Variants in HNF4A observed in about 807,000 individuals in gnomAD.
HNF4A encodes the protein hepatocyte nuclear factor 4-alpha.
HNF4A carries 15 observed loss-of-function variants against 52.4 expected under a neutral mutation model. That is an observed-to-expected ratio of 0.29 (90% CI 0.19 to 0.44). HNF4A has a LOEUF of 0.44. Among genes scored for constraint, HNF4A ranks in the 20% least tolerant of loss-of-function variants. The pLI is 1.00. For missense variants in HNF4A, 479 were observed against 647.2 expected (o/e 0.74, Z 2.82); for synonymous variants, 280 against 264.4 (o/e 1.06, Z -0.57).
At chr20:44,376,050 G>A (rs955600993) in intron 1 of HNF4A, among the ~76,000 whole-genome samples, 2 of 151,972 alleles carry the variant, frequency 1.3e-5, no homozygotes, top group Non-Finnish European at 2.9e-5. Context: ...TTTGAGATCA[G>A]CCTGACCAAC....
chr20:44,386,676 G>A (rs2063228316), intron 1 of HNF4A, among the ~76,000 whole-genome samples: 1 of 152,144 alleles, frequency 6.6e-6, no homozygotes, highest in African/African-American at 2.4e-5. Context: ...AAGTGCTGCT[G>A]ACATCTAGTG....
chr20:44,403,918 C>T (rs985056813), intron 1 of HNF4A, among the ~76,000 whole-genome samples: 11 of 152,182 alleles, frequency 7.2e-5, no homozygotes, highest in African/African-American at 2.4e-4. Flanking sequence ...GCTGAATGGC[C>T]AGGAGCTGTG....
At chr20:44,368,673 G>A (rs145137207) in intron 1 of HNF4A, among the ~76,000 whole-genome samples, 158 of 152,252 alleles carry the variant, frequency 1.0e-3, no homozygotes, top group Non-Finnish European at 1.7e-3. Context: ...ATGTTAGTAT[G>A]TATTGTTAAT....
In HNF4A at chr20:44,377,243, C is replaced by T. The variant is rs574782735; in HGVS notation, c.49+21390C>T. Among the ~76,000 whole-genome samples the T allele has an allele frequency of 1.6e-4, 24 of 152,104 alleles. 1 individual carries two copies. The highest frequency in any genetic ancestry group is 5.8e-4 in the African/African-American group (24 of 41,518). On this transcript the variant is annotated intron_variant, in intron 1 of 9. Coordinates refer to the HNF4A transcript ENST00000316673. ...ACGTGGGGGCTAAACCTTGGGTACA[C>T]ATGGACATAAAGATGGGAACAATAG...
intron 1 of HNF4A, among the ~76,000 whole-genome samples, chr20:44,387,360 C>A: frequency 7.2e-6 from 1 of 138,316 alleles, no homozygotes. Flanking sequence ...GCCCCCAAGA[C>A]AGGAAAGAAA....
chr20:44,376,527 C>T, intron 1 of HNF4A, among the ~76,000 whole-genome samples: 1 of 151,972 alleles, frequency 6.6e-6, no homozygotes. Context: ...TTTGTCAAAT[C>T]TTACTACATG....
intron 1 of HNF4A, among the ~76,000 whole-genome samples, chr20:44,369,363 G>A (rs1686090943): frequency 6.6e-6 from 1 of 150,972 alleles, no homozygotes; most frequent in Admixed American, 6.6e-5. Flanking sequence ...CCAGGAGGTC[G>A]AGGCTGTAGT....
chr20:44,373,433 C>T (rs2063053760), intron 1 of HNF4A, among the ~76,000 whole-genome samples: 1 of 152,120 alleles, frequency 6.6e-6, no homozygotes, highest in Admixed American at 6.5e-5. Flanking sequence ...CTCAGCCTCC[C>T]AAAGCACTGG....
intron 1 of HNF4A, among the ~76,000 whole-genome samples, chr20:44,379,712 C>T (rs914301381): frequency 4.0e-5 from 6 of 149,672 alleles, no homozygotes; most frequent in Non-Finnish European, 5.9e-5. Context: ...CCATCACACC[C>T]GGATAATTTT....
chr20:44,379,025 C>T (rs1600656335), intron 1 of HNF4A, among the ~76,000 whole-genome samples: 1 of 152,204 alleles, frequency 6.6e-6, no homozygotes, highest in Non-Finnish European at 1.5e-5. Context: ...GACTACTTTC[C>T]TGTAGGCTAG....
At position 44,364,517 on chromosome 20, in the gene HNF4A, C is replaced by T. The variant is rs181243000; in HGVS notation, c.49+8664C>T. On this transcript the variant is annotated intron_variant, in intron 1 of 9. Coordinates refer to the HNF4A transcript ENST00000316673. ...ATGGAGTCTTGCTCTGTCACCCAGGCTGGAGTGCAGCGGCACGATCTTGGC... is the reference window on the plus strand; with the variant it reads ...ATGGAGTCTTGCTCTGTCACCCAGGTTGGAGTGCAGCGGCACGATCTTGGC... Among the ~76,000 whole-genome samples, 348 of 152,036 alleles carry T rather than the reference C, an allele frequency of 2.3e-3. 1 individual carries two copies. The highest frequency in any genetic ancestry group is 8.0e-3 in the African/African-American group (332 of 41,442).
intron 1 of HNF4A, among the ~76,000 whole-genome samples, chr20:44,386,055 C>T (rs1328483461): frequency 6.6e-6 from 1 of 151,322 alleles, no homozygotes; most frequent in Non-Finnish European, 1.5e-5. Context: ...CAGGGTTTCA[C>T]CATGTTGGCC....
In HNF4A at chr20:44,419,738, C is replaced by T; in HGVS notation, c.754C>T (p.Pro252Ser). The change falls in exon 7 of 10, where the codon CCT (proline) becomes TCT (serine). Residue 252 changes from proline to serine, a missense_variant. By Grantham distance (74) the Pro-to-Ser change is moderately conservative. This residue lies in a region of HNF4A where 389 missense variants were observed against 525.1 expected (regional missense o/e 0.74). Transcript: ENST00000316099. ...CCTTCCAGGCAATGACTACATTGTC[C>T]CTCGGCACTGCCCGGAGCTGGCGGA... The T allele has an allele frequency of 6.2e-7, 1 of 1,614,118 alleles. No individual in the cohort carries two copies. Among genetic ancestry groups the T allele is most frequent in the East Asian group, 2.2e-5 (1 of 44,880 alleles).
Position 44,408,759 on chromosome 20 carries a change from A to G in HNF4A, c.385+1284A>G, listed in dbSNP as rs935280749. On this transcript the variant is annotated intron_variant, in intron 3 of 9. Coordinates refer to ENST00000316099, the MANE Select transcript of HNF4A (RefSeq NM_000457.6). ...AAAAAAGTAACGAGTTCATTTTCGA[A>G]TCTCTTCATTTCCTGCTCCTCTAAA... Among the ~76,000 whole-genome samples, 6 of 152,088 alleles carry G rather than the reference A, an allele frequency of 3.9e-5. No individual in the cohort carries two copies. The East Asian group carries it at 7.7e-4, about 20-fold the overall frequency.
At chr20:44,379,320 C>A (rs2063123702) in intron 1 of HNF4A, among the ~76,000 whole-genome samples, 1 of 151,998 alleles carries the variant, frequency 6.6e-6, no homozygotes, top group Admixed American at 6.6e-5. Context: ...CTCGGGAGTA[C>A]AATTGCTAGA....
intron 1 of HNF4A, among the ~76,000 whole-genome samples, chr20:44,371,920 C>T (rs559465871): frequency 6.6e-6 from 1 of 152,208 alleles, no homozygotes; most frequent in African/African-American, 2.4e-5. Flanking sequence ...CCTGGAGCCA[C>T]TTTAGATTCT....
rs542481068 is a variant in HNF4A at position 44,369,475 on chromosome 20, GA to G, written c.49+13626del. Among the ~76,000 whole-genome samples, 412 of 151,948 alleles carry G rather than the reference GA, an allele frequency of 2.7e-3. 1 individual carries two copies. Among genetic ancestry groups the G allele is most frequent in the Non-Finnish European group, 4.6e-3 (313 of 67,958 alleles). On this transcript the variant is annotated intron_variant, in intron 1 of 9. Coordinates refer to the HNF4A transcript ENST00000316673. ...AAATAAATAAATGAAAATTTAAAAG[GA>G]AAAGAAAATATTTAAACGCTATTTC...
At chr20:44,413,597 C>G in intron 3 of HNF4A, 97 bp from the exon 4 acceptor site, 1 of 828,292 alleles carries the variant, frequency 1.2e-6, no homozygotes, top group Non-Finnish European at 2.0e-6. Context: ...CTCTGGACAC[C>G]CCCCACCTCC....
intron 8 of HNF4A, among the ~76,000 whole-genome samples, chr20:44,427,059 G>A (rs147897654): frequency 1.1e-4 from 17 of 152,208 alleles, no homozygotes; most frequent in Admixed American, 3.3e-4. Context: ...TCTTTGTTGT[G>A]TGGGGCTGTC....
Sources: gnomAD v4.1 joint callset for allele counts (sites outside exome capture counted in the v4.1 genomes callset) on GRCh38, gnomAD v4.1.1 for gene constraint, gnomAD v4.1.1 regional missense constraint, MANE v1.5 for transcripts, NCBI Gene and HGNC (gene_info 2026-07-23, HGNC 2026-07-21) for gene names.